CAMSAP2: variants seen among roughly 807,000 people sequenced by gnomAD.
The protein encoded by CAMSAP2 is calmodulin regulated spectrin associated protein family member 2, also known as calmodulin-regulated spectrin-associated protein 2.
Under a neutral mutation model 146.1 loss-of-function variants are expected in CAMSAP2, and 26 were observed. The ratio of observed to expected loss-of-function variants is 0.18; its 90% CI spans 0.13 to 0.25. The LOEUF (loss-of-function observed/expected upper bound fraction) is 0.25. CAMSAP2 is among the 10% of genes least tolerant of loss of function. The probability of loss-of-function intolerance (pLI) is 1.00; values close to 1 mark genes in which losing one functional copy is unlikely to be tolerated. For synonymous variants in CAMSAP2, 499 were observed against 596.6 expected (o/e 0.84, Z 2.38); for missense variants, 1,381 against 1,759.3 (o/e 0.78, Z 3.85).
intron 4 of CAMSAP2, among the ~76,000 whole-genome samples, chr1:200,822,000 C>T (rs1666776879): frequency 1.3e-5 from 2 of 151,696 alleles, no homozygotes; most frequent in Non-Finnish European, 2.9e-5. Context: ...ATAATTACAC[C>T]CTTACAAAAA....
intron 3 of CAMSAP2, among the ~76,000 whole-genome samples, chr1:200,813,726 T>C (rs923406326): frequency 2.6e-5 from 4 of 151,978 alleles, no homozygotes; most frequent in African/African-American, 9.7e-5. Flanking sequence ...GGGAAAAAAA[T>C]AAAAACAAGG....
At position 200,848,037 on chromosome 1, in the gene CAMSAP2, C is replaced by A; in HGVS notation, c.1268C>A (p.Ser423Ter). 3 of 1,491,800 alleles carry A rather than the reference C, an allele frequency of 2.0e-6. No individual in the cohort carries two copies. In the South Asian group the frequency reaches 4.5e-5, roughly 22 times the overall value. 92.4% of individuals were successfully genotyped at this position (1,491,800 alleles called of 1,614,324 possible). Residue 423 changes from serine to a stop codon, truncating the protein, a stop_gained, in exon 11 of 17, where the codon TCA (serine) becomes TAA (stop). Coordinates refer to ENST00000358823, the MANE Select transcript of CAMSAP2 (RefSeq NM_203459.4). LOFTEE classifies it high-confidence loss of function. ...TCTCTTTAACTTTTTTTTAGATCAT[C>A]AGTGCATGGCGTATCATTTGATATT... ...IGTWPKEKRS[S>*]VHGVSFDISF...
At chr1:200,778,471 A>AT (rs1466447460) in intron 2 of CAMSAP2, among the ~76,000 whole-genome samples, 2 of 152,200 alleles carry the variant, frequency 1.3e-5, no homozygotes, top group Non-Finnish European at 1.5e-5. Flanking sequence ...CTGCTTTATC[A>AT]TTTTAATATA....
At chr1:200,812,095 T>C (rs1046761695) in intron 3 of CAMSAP2, among the ~76,000 whole-genome samples, 1 of 152,212 alleles carries the variant, frequency 6.6e-6, no homozygotes. Context: ...TTTTCTTTCA[T>C]AGCACTTTTC....
intron 4 of CAMSAP2, among the ~76,000 whole-genome samples, chr1:200,825,219 T>C (rs892792781): frequency 6.6e-6 from 1 of 152,170 alleles, no homozygotes; most frequent in East Asian, 1.9e-4. Context: ...TTTTGTTTTT[T>C]GAATATGTAG....
At chr1:200,840,161 T>C (rs1002510778) in intron 6 of CAMSAP2, among the ~76,000 whole-genome samples, 1 of 152,204 alleles carries the variant, frequency 6.6e-6, no homozygotes, top group Non-Finnish European at 1.5e-5. Flanking sequence ...CCAGTGAACA[T>C]CTCAAACAAT....
At chr1:200,800,428 T>A (rs1048137393) in intron 2 of CAMSAP2, among the ~76,000 whole-genome samples, 10 of 152,196 alleles carry the variant, frequency 6.6e-5, no homozygotes, top group Non-Finnish European at 1.3e-4. Context: ...ATGCCCTTCT[T>A]TGTCTTTTTT....
chr1:200,812,508 G>A (rs534616057), intron 3 of CAMSAP2, among the ~76,000 whole-genome samples: 2 of 152,150 alleles, frequency 1.3e-5, no homozygotes, highest in East Asian at 1.9e-4. Flanking sequence ...ACCAGCCCCA[G>A]CATTATTTTT....
Position 200,853,127 on chromosome 1 carries a change from C to T in CAMSAP2, c.3603-148C>T, listed in dbSNP as rs1571834751. The T allele has an allele frequency of 3.0e-6, 2 of 665,864 alleles. No individual in the cohort carries two copies. The highest frequency in any genetic ancestry group is 2.7e-5 in the East Asian group (1 of 37,566). The allele number at this position is 665,864 out of a possible 1,614,324, so 41.2% of individuals were successfully genotyped here. A position where few individuals can be genotyped will look rare whatever the true frequency, so the allele number is the denominator to read the frequency against. ...ATTTATGCTTAATCCCATGTCTCAG[C>T]AGAATCGTCAAGTACCTTTTAAATG... On this transcript the variant is annotated intron_variant, in intron 12 of 16. Transcript: ENST00000358823. This position sits in a 1 kb window ranked among gnomAD's most constrained non-coding sequence, Gnocchi z 5.1.
At position 200,832,635 on chromosome 1, in the gene CAMSAP2, A is replaced by G; in HGVS notation, c.788-71A>G. On this transcript the variant is annotated intron_variant, in intron 5 of 16. Coordinates refer to ENST00000358823, the MANE Select transcript of CAMSAP2 (RefSeq NM_203459.4). This position sits in a 1 kb window ranked among gnomAD's most constrained non-coding sequence, Gnocchi z 4.2. The stretch of plus-strand genomic sequence containing the variant: ...CCAGAATTGTGTATTTGTACTAATT[A>G]CAAGATGGATATGAAATATTTATTA... 4 of 1,284,196 alleles carry G rather than the reference A, an allele frequency of 3.1e-6. No individual in the cohort carries two copies. The highest frequency in any genetic ancestry group is 4.3e-6 in the Non-Finnish European group (4 of 936,848). The allele number at this position is 1,284,196 out of a possible 1,614,324, so 79.6% of individuals were successfully genotyped here.
At chr1:200,775,488 G>T (rs896117771) in intron 2 of CAMSAP2, among the ~76,000 whole-genome samples, 3 of 152,266 alleles carry the variant, frequency 2.0e-5, no homozygotes, top group African/African-American at 7.2e-5. Flanking sequence ...AATAATTTTG[G>T]TAAAATAGAA....
At chr1:200,803,989 C>T (rs571534784) in intron 2 of CAMSAP2, among the ~76,000 whole-genome samples, 9 of 151,636 alleles carry the variant, frequency 5.9e-5, no homozygotes, top group East Asian at 3.9e-4. Flanking sequence ...TGCAGTGGTG[C>T]GACCTCGGCT....
intron 2 of CAMSAP2, among the ~76,000 whole-genome samples, chr1:200,778,455 T>C (rs560970920): frequency 3.3e-5 from 5 of 152,314 alleles, no homozygotes; most frequent in African/African-American, 4.8e-5. Context: ...TTAGATGGTT[T>C]GTTTTCTGCT....
intron 9 of CAMSAP2, 103 bp downstream of exon 9, chr1:200,847,395 GT>G: frequency 1.9e-6 from 1 of 535,986 alleles, no homozygotes; most frequent in Non-Finnish European, 3.0e-6. Flanking sequence ...GTTTTTTTGT[GT>G]GTGTGTGTGT....
chr1:200,779,564 G>A (rs923327144), intron 2 of CAMSAP2, among the ~76,000 whole-genome samples: 2 of 152,144 alleles, frequency 1.3e-5, no homozygotes, highest in African/African-American at 2.4e-5. Flanking sequence ...AAATTGTGAT[G>A]CCCAGGGAGG....
chr1:200,790,954 C>T (rs1049719643), intron 2 of CAMSAP2, among the ~76,000 whole-genome samples: 3 of 152,082 alleles, frequency 2.0e-5, no homozygotes, highest in African/African-American at 7.2e-5. Context: ...AAGTGATTCT[C>T]CAGCCTCAGC....
At chr1:200,754,731 C>G (rs547182661) in intron 1 of CAMSAP2, among the ~76,000 whole-genome samples, 20 of 151,970 alleles carry the variant, frequency 1.3e-4, no homozygotes, top group Admixed American at 2.0e-4. Flanking sequence ...TACAGGCACC[C>G]GCCACCAGGC....
chr1:200,783,751 A>G (rs1665507426), intron 2 of CAMSAP2, among the ~76,000 whole-genome samples: 1 of 152,178 alleles, frequency 6.6e-6, no homozygotes, highest in Admixed American at 6.5e-5. Context: ...GGCCTCCCAA[A>G]GTGCCGGGAT....
At chr1:200,749,687 T>C (rs1664445247) in intron 1 of CAMSAP2, among the ~76,000 whole-genome samples, 2 of 152,232 alleles carry the variant, frequency 1.3e-5, no homozygotes, top group African/African-American at 2.4e-5. Flanking sequence ...CTTTGAACAT[T>C]TCATCTACAT....
Sources: allele counts gnomAD v4.1 joint callset (sites outside exome capture counted in the v4.1 genomes callset), GRCh38; gene constraint gnomAD v4.1.1; non-coding constraint Gnocchi (gnomAD v3.1); transcripts MANE v1.5; gene names NCBI Gene and HGNC (gene_info 2026-07-23, HGNC 2026-07-21).